Variants in SGSM3 observed in about 807,000 individuals in gnomAD.
SGSM3 encodes small G protein signaling modulator 3, also known as RUN and SH3 containing 3.
A neutral mutation model predicts 100.5 loss-of-function variants in SGSM3; 96 were observed. That is an observed-to-expected ratio of 0.96 (90% CI 0.81 to 1.13). The LOEUF is 1.13. Ranked by LOEUF, SGSM3 falls within the 50% of genes most tolerant of loss-of-function variation. SGSM3 has a pLI of 0.00. For missense variants in SGSM3, 1,001 were observed against 1,015.8 expected, an observed-to-expected ratio of 0.99 and a Z score of 0.20; for synonymous variants, 483 against 422.8, an observed-to-expected ratio of 1.14 and a Z score of -1.75.
intron 1 of SGSM3, chr22:40,390,099 T>G (rs2049154776): frequency 6.6e-6 from 1 of 152,130 alleles, no homozygotes; most frequent in Admixed American, 6.5e-5. Context: ...GGGAAAAAAA[T>G]CTAAACTTTG....
Position 40,406,421 on chromosome 22 carries a change from GC to G in SGSM3, c.961-14del. 1 of 1,552,264 alleles carries G rather than the reference GC, an allele frequency of 6.4e-7. No homozygotes were observed. Among genetic ancestry groups the G allele is most frequent in the Admixed American group, 1.8e-5 (1 of 55,196 alleles). On this transcript the variant is annotated splice_polypyrimidine_tract_variant and intron_variant, in intron 9 of 21. Coordinates refer to ENST00000248929, the MANE Select transcript of SGSM3 (RefSeq NM_015705.6). ...AATGACAACCTTCTTCCCCCATCCT[GC>G]CCTGGCATGGCCCAGGAGGAAGAGC...
At chr22:40,405,086 CCTCCCAGGGTGTCACAAGGT>C (rs1227787471) in intron 6 of SGSM3, 35 bp from the exon 7 acceptor site, 2 of 1,456,586 alleles carry the variant, frequency 1.4e-6, no homozygotes, top group African/African-American at 2.9e-5. Flanking sequence ...GGTCTGCCTC[CCTCCCAGGGTGTCACAAGGT>C]CTTGTTATTG....
intron 6 of SGSM3, 48 bp downstream of exon 6, chr22:40,404,712 C>CCCTCTCTCCT: frequency 7.2e-7 from 1 of 1,381,032 alleles, no homozygotes; most frequent in Non-Finnish European, 1.0e-6. Flanking sequence ...TGTGTGGGCT[C>CCCTCTCTCCT]GCAGGAGAGA....
rs201018227 is a variant in SGSM3, at chr22:40,408,444, G to A, written c.1782+15G>A. The A allele has an allele frequency of 1.2e-4, 196 of 1,613,158 alleles. No homozygotes were observed. In the East Asian group the frequency reaches 3.9e-3, roughly 32 times the overall value. Reference sequence around the variant, plus strand: ...TTATCGAGGAGGTAAGTCAGTGGCTGGGCCCATGACCCCCACCCTGCACCA... The same window carrying A: ...TTATCGAGGAGGTAAGTCAGTGGCTAGGCCCATGACCCCCACCCTGCACCA... On this transcript the variant is annotated intron_variant, in intron 16 of 21. Coordinates refer to ENST00000248929, the MANE Select transcript of SGSM3 (RefSeq NM_015705.6).
chr22:40,395,374 T>G (rs942429615), intron 1 of SGSM3, among the ~76,000 whole-genome samples: 1 of 151,256 alleles, frequency 6.6e-6, no homozygotes, highest in Non-Finnish European at 1.5e-5. Context: ...CAGGCTGGAG[T>G]GCAGTGGCAC....
rs1276091928 is a variant in SGSM3, at chr22:40,407,570, T to C, written c.1524+2T>C. ...TTCCGCAAGAACGACATCATCACAG[T>C]GCGTGGGGGCGCTGGACTACCAGGT... On this transcript the variant is annotated splice_donor_variant, in intron 13 of 21. Coordinates refer to ENST00000248929, the MANE Select transcript of SGSM3 (RefSeq NM_015705.6). LOFTEE classifies it high-confidence loss of function. This position sits in a 1 kb window ranked among gnomAD's most constrained non-coding sequence, Gnocchi z 4.7. The C allele has an allele frequency of 1.2e-6, 2 of 1,601,980 alleles. No individual in the cohort carries two copies.
chr22:40,409,298 C>T lies in SGSM3; in HGVS notation c.2037C>T (p.Pro679=), dbSNP rs2052208995. ...TGGAGGTGCTCTGCTCCAGCCTGCC[C>T]ACCGTGGAGAAGTGGTACCAGCCCT... ...LWLEVLCSSL[P]TVEKWYQPWS... The change falls in exon 20 of 22, where the codon CCC becomes CCT. Residue 679 remains proline, a synonymous_variant. Transcript: ENST00000248929. 3 of 1,612,924 alleles carry T rather than the reference C, an allele frequency of 1.9e-6. No individual in the cohort carries two copies. Among genetic ancestry groups the T allele is most frequent in the Middle Eastern group, 1.6e-4 (1 of 6,062 alleles).
chr22:40,405,715 G>C lies in SGSM3; in HGVS notation c.685G>C (p.Glu229Gln). ...CTTCTGGATGATGTCTGCCATCATC[G>C]AGGACCTGCTCCCCGCCTCCTACTT... Reference protein sequence around the residue: ...DAFWMMSAIIEDLLPASYFST... With the variant: ...DAFWMMSAIIQDLLPASYFST... The change falls in exon 8 of 22, where the codon GAG (glutamate) becomes CAG (glutamine). Residue 229 changes from glutamate (E) to glutamine (Q), a missense_variant. Transcript: ENST00000248929. 1 of 1,613,700 alleles carries C rather than the reference G, an allele frequency of 6.2e-7. No individual in the cohort carries two copies. Among genetic ancestry groups the C allele is most frequent in the Non-Finnish European group, 8.5e-7 (1 of 1,179,930 alleles).
intron 7 of SGSM3, 137 bp downstream of exon 7, chr22:40,405,421 G>A (rs952355488): frequency 1.3e-5 from 12 of 942,492 alleles, no homozygotes; most frequent in South Asian, 5.8e-5. Context: ...CTCCCACTCC[G>A]GGGCGTCCCC....
At chr22:40,389,455 C>T (rs546294700) in intron 1 of SGSM3, among the ~76,000 whole-genome samples, 2 of 151,050 alleles carry the variant, frequency 1.3e-5, no homozygotes, top group South Asian at 4.2e-4. Context: ...AAAAATTAGC[C>T]GGGCGTGGTG....
chr22:40,400,612 C>T (rs2050622996), intron 1 of SGSM3, 84 bp from the exon 2 acceptor site: 1 of 504,284 alleles, frequency 2.0e-6, no homozygotes, highest in Non-Finnish European at 3.5e-6. Flanking sequence ...CACTGCACTC[C>T]AGCCTGAGGT....
At chr22:40,375,838 G>A (rs561629336) in intron 1 of SGSM3, among the ~76,000 whole-genome samples, 61 of 152,110 alleles carry the variant, frequency 4.0e-4, no homozygotes, top group African/African-American at 1.4e-3. Context: ...AGGAGGTCAA[G>A]ACCAGCCTGG....
At chr22:40,388,339 C>A (rs1343720497) in intron 1 of SGSM3, 1 of 152,232 alleles carries the variant, frequency 6.6e-6, no homozygotes, top group Non-Finnish European at 1.5e-5. Context: ...TTGGTAGGGT[C>A]CAGGTTTCAA....
rs905575941 is a variant in SGSM3, at chr22:40,404,581, C to G, written c.391C>G (p.Leu131Val). ...PQLWMRLSGA[L>V]QKKRNSELSY... ...GCTGTGGATGCGGCTCTCTGGGGCC[C>G]TGCAGAAGAAGAGGAACTCTGAGCT... Residue 131 changes from leucine to valine, a missense_variant, in exon 6 of 22, where the codon CTG (leucine) becomes GTG (valine). Transcript: ENST00000248929. The G allele has an allele frequency of 1.2e-6, 2 of 1,613,888 alleles. No homozygotes were observed. Among genetic ancestry groups the G allele is most frequent in the Non-Finnish European group, 1.7e-6 (2 of 1,179,922 alleles).
chr22:40,401,287 C>G (rs943467354), intron 2 of SGSM3, among the ~76,000 whole-genome samples: 1 of 151,954 alleles, frequency 6.6e-6, no homozygotes, highest in Non-Finnish European at 1.5e-5. Flanking sequence ...GAGTTTCGCT[C>G]TTGTTGCCCA....
rs1245913860 is a variant in SGSM3, at chr22:40,410,204, C to T, written c.*445C>T. The T allele has an allele frequency of 1.1e-5, 12 of 1,061,598 alleles. No individual in the cohort carries two copies. Among genetic ancestry groups the T allele is most frequent in the Non-Finnish European group, 1.3e-5 (11 of 878,006 alleles). 65.8% of individuals were successfully genotyped at this position (1,061,598 alleles called of 1,614,324 possible). ...AGTGGTCTAGAAGGCACTGCGTGGC[C>T]CCTCAGATGCTGGGACACAACAGAC... On this transcript the variant is annotated 3_prime_UTR_variant, in exon 22 of 22. Coordinates refer to ENST00000248929, the MANE Select transcript of SGSM3 (RefSeq NM_015705.6).
chr22:40,391,370 G>A lies in SGSM3; in HGVS notation c.-111-9326G>A, dbSNP rs559571943. Among the ~76,000 whole-genome samples the A allele has an allele frequency of 3.9e-5, 6 of 152,284 alleles. No homozygotes were observed. In the South Asian group the frequency reaches 1.2e-3, roughly 32 times the overall value. On this transcript the variant is annotated intron_variant, in intron 1 of 21. Transcript: ENST00000248929. ...CGTCTATAATCCCAGCACTTTGGGA[G>A]GCTAAGGCAGGAGGATGCCTTGAGC...
At chr22:40,374,090 C>T (rs1426721151) in intron 1 of SGSM3, among the ~76,000 whole-genome samples, 1 of 152,010 alleles carries the variant, frequency 6.6e-6, no homozygotes, top group Non-Finnish European at 1.5e-5. Flanking sequence ...GTAGCTGGGA[C>T]TACAGGCGCC....
chr22:40,409,257 GTGCTGCACCTGTGGCTGGAGGTGCTC>G lies in SGSM3; in HGVS notation c.2001_2026del (p.His668GlnfsTer26). On this transcript the variant is annotated frameshift_variant, in exon 20 of 22. Coordinates refer to ENST00000248929, the MANE Select transcript of SGSM3 (RefSeq NM_015705.6). LOFTEE classifies it high-confidence loss of function. ...TCCTGGCCATGTCCCCAGTGAGCAG[GTGCTGCACCTGTGGCTGGAGGTGCTC>G]TGCTCCAGCCTGCCCACCGTGGAGA... 6.2e-7 allele frequency: 1 copy of G among 1,607,390 alleles called. No homozygotes were observed. Among genetic ancestry groups the G allele is most frequent in the Non-Finnish European group, 8.5e-7 (1 of 1,178,494 alleles).
Sources: allele counts gnomAD v4.1 joint callset (sites outside exome capture counted in the v4.1 genomes callset), GRCh38; gene constraint gnomAD v4.1.1; non-coding constraint Gnocchi (gnomAD v3.1); transcripts MANE v1.5; gene names NCBI Gene and HGNC (gene_info 2026-07-23, HGNC 2026-07-21).